Variants in KCNH8 observed in about 807,000 individuals in gnomAD.
KCNH8 encodes the protein potassium voltage-gated channel subfamily H member 8.
In KCNH8, 70 loss-of-function variants were observed where a neutral mutation model predicts 103.6. The observed-to-expected ratio is 0.68, with a 90% CI of 0.56 to 0.82. The LOEUF (loss-of-function observed/expected upper bound fraction) is 0.82. Among genes scored for constraint, KCNH8 ranks in the 40% least tolerant of loss-of-function variants. KCNH8 has a pLI of 0.00. For missense variants in KCNH8, 1,217 were observed against 1,329.9 expected (o/e 0.92, Z 1.32); for synonymous variants, 498 against 489.4 (o/e 1.02, Z -0.23).
Position 19,170,773 on chromosome 3 carries a change from T to C in KCNH8, c.76+21978T>C, listed in dbSNP as rs568108746. On this transcript the variant is annotated intron_variant, in intron 1 of 15. Coordinates refer to ENST00000328405, the MANE Select transcript of KCNH8 (RefSeq NM_144633.3). ...ACACATATATATACACACATATATATACACACACACACACACATATATATA... is the reference window on the plus strand; with the variant it reads ...ACACATATATATACACACATATATACACACACACACACACACATATATATA... 4.4e-3 allele frequency among the ~76,000 whole-genome samples: 594 copies of C among 134,596 alleles called. 3 individuals carry two copies. The highest frequency in any genetic ancestry group is 5.0e-3 in the Non-Finnish European group (323 of 65,062). The allele number at this position is 134,596 out of a possible 152,430, so 88.3% of individuals were successfully genotyped here.
Position 19,484,329 on chromosome 3 carries a change from T to C in KCNH8, c.2041-26034T>C, listed in dbSNP as rs151186270. Among the ~76,000 whole-genome samples, 674 of 152,310 alleles carry C rather than the reference T, an allele frequency of 4.4e-3. 4 individuals carry two copies. The highest frequency in any genetic ancestry group is 0.019 in the South Asian group (94 of 4,826). ...TCATAGTAACTATAGAACAGAAAGA[T>C]TGTTTTACTTTCTTGTCTTACCTCA... On this transcript the variant is annotated intron_variant, in intron 11 of 15. Transcript: ENST00000328405.
At chr3:19,485,259 A>C (rs549853888) in intron 11 of KCNH8, among the ~76,000 whole-genome samples, 13 of 152,278 alleles carry the variant, frequency 8.5e-5, no homozygotes, top group Admixed American at 8.5e-4. Context: ...ATCAGCCTCC[A>C]CCTACCTAGA....
At chr3:19,166,019 G>C (rs1451657004) in intron 1 of KCNH8, among the ~76,000 whole-genome samples, 1 of 152,176 alleles carries the variant, frequency 6.6e-6, no homozygotes, top group African/African-American at 2.4e-5. Context: ...TTTGGCTAAA[G>C]TAAGTCACAT....
intron 1 of KCNH8, among the ~76,000 whole-genome samples, chr3:19,169,066 A>G (rs2363094): frequency 0.072 from 10,873 of 152,058 alleles, 1,288 homozygotes; most frequent in African/African-American, 0.25. Flanking sequence ...TCACCTAAAC[A>G]TTATATAATT....
chr3:19,500,004 G>A (rs201903812), intron 11 of KCNH8, among the ~76,000 whole-genome samples: 4 of 152,054 alleles, frequency 2.6e-5, no homozygotes, highest in South Asian at 2.1e-4. Flanking sequence ...CAAATTGGAT[G>A]AAGAGTCAAG....
At chr3:19,406,818 TTGAG>T (rs1231126875) in intron 7 of KCNH8, among the ~76,000 whole-genome samples, 2 of 152,138 alleles carry the variant, frequency 1.3e-5, no homozygotes, top group African/African-American at 2.4e-5. Flanking sequence ...AGAACATAGA[TTGAG>T]TGTTATAAAA....
At chr3:19,327,513 C>T (rs2065440651) in intron 3 of KCNH8, among the ~76,000 whole-genome samples, 1 of 152,168 alleles carries the variant, frequency 6.6e-6, no homozygotes, top group African/African-American at 2.4e-5. Context: ...TGGTCTTGAA[C>T]TCCTGACCTC....
intron 8 of KCNH8, among the ~76,000 whole-genome samples, chr3:19,442,229 T>C (rs969212806): frequency 6.6e-6 from 1 of 152,182 alleles, no homozygotes; most frequent in African/African-American, 2.4e-5. Context: ...TTTTATAATT[T>C]CCATTCTCTG....
intron 1 of KCNH8, among the ~76,000 whole-genome samples, chr3:19,210,014 C>T (rs913037920): frequency 1.3e-5 from 2 of 152,094 alleles, no homozygotes; most frequent in African/African-American, 4.8e-5. Flanking sequence ...CCAAAAGTCA[C>T]TGAGTGACCT....
intron 2 of KCNH8, among the ~76,000 whole-genome samples, chr3:19,263,745 G>A (rs1184355703): frequency 6.6e-6 from 1 of 152,012 alleles, no homozygotes; most frequent in Non-Finnish European, 1.5e-5. Context: ...ATGGGAAGGA[G>A]ACCAAAATTC....
chr3:19,420,875 C>T (rs1365554142), intron 7 of KCNH8, among the ~76,000 whole-genome samples: 1 of 152,144 alleles, frequency 6.6e-6, no homozygotes, highest in African/African-American at 2.4e-5. Flanking sequence ...ACTGTGATTT[C>T]TCCATCAACA....
intron 1 of KCNH8, among the ~76,000 whole-genome samples, chr3:19,175,161 T>G (rs2063385146): frequency 6.6e-6 from 1 of 152,286 alleles, no homozygotes; most frequent in Non-Finnish European, 1.5e-5. Flanking sequence ...ACTCTGTTCA[T>G]ATTTACACAT....
At chr3:19,465,298 C>T (rs1434091043) in intron 11 of KCNH8, among the ~76,000 whole-genome samples, 1 of 152,126 alleles carries the variant, frequency 6.6e-6, no homozygotes, top group Admixed American at 6.5e-5. Context: ...TATGCTAAAT[C>T]TTTTCTGCCT....
intron 7 of KCNH8, among the ~76,000 whole-genome samples, chr3:19,405,669 A>G (rs2066680747): frequency 2.6e-5 from 4 of 151,996 alleles, no homozygotes; most frequent in Admixed American, 2.0e-4. Context: ...AGTGTATTTC[A>G]TAAAAGAACA....
chr3:19,200,922 G>GT (rs1559419708), intron 1 of KCNH8, among the ~76,000 whole-genome samples: 1 of 151,782 alleles, frequency 6.6e-6, no homozygotes, highest in African/African-American at 2.4e-5. Context: ...TATATAAGCC[G>GT]TTATTCTCTT....
chr3:19,502,884 A>G (rs1194915714), intron 11 of KCNH8, among the ~76,000 whole-genome samples: 1 of 151,902 alleles, frequency 6.6e-6, no homozygotes, highest in Non-Finnish European at 1.5e-5. Context: ...CTTCATGTCT[A>G]AAACACCAAA....
At chr3:19,482,264 C>T (rs1270319212) in intron 11 of KCNH8, among the ~76,000 whole-genome samples, 1 of 152,170 alleles carries the variant, frequency 6.6e-6, no homozygotes, top group African/African-American at 2.4e-5. Flanking sequence ...TACCAGGCCC[C>T]AGGGTGTGGC....
chr3:19,330,115 C>T (rs1192067930), intron 3 of KCNH8, among the ~76,000 whole-genome samples: 2 of 152,080 alleles, frequency 1.3e-5, no homozygotes, highest in South Asian at 4.1e-4. Context: ...ATCCATTACA[C>T]ACCACCACGC....
At chr3:19,281,173 T>C (rs754041077) in intron 2 of KCNH8, 25 bp from the exon 3 acceptor site, 1 of 1,599,838 alleles carries the variant, frequency 6.3e-7, no homozygotes, top group South Asian at 1.1e-5. Flanking sequence ...GGTTGATTTG[T>C]ATTTTTTTTT....
Sources: gnomAD v4.1 joint callset for allele counts (sites outside exome capture counted in the v4.1 genomes callset) on GRCh38, gnomAD v4.1.1 for gene constraint, MANE v1.5 for transcripts, NCBI Gene and HGNC (gene_info 2026-07-23, HGNC 2026-07-21) for gene names.